Variants in CYP4Z1 observed in about 807,000 individuals in gnomAD.
The protein encoded by CYP4Z1 is cytochrome P450 4Z1.
Under a neutral mutation model 54.2 loss-of-function variants are expected in CYP4Z1, and 41 were observed. That is an observed-to-expected ratio of 0.76 (90% CI 0.59 to 0.98). The LOEUF is 0.98. CYP4Z1 is among the 50% of genes least tolerant of loss of function. The pLI is 0.00. For missense variants in CYP4Z1, 513 were observed against 599.0 expected, an observed-to-expected ratio of 0.86 and a Z score of 1.50; for synonymous variants, 163 against 206.2, an observed-to-expected ratio of 0.79 and a Z score of 1.79.
At chr1:47,087,972 G>A (rs1433666433) in intron 6 of CYP4Z1, among the ~76,000 whole-genome samples, 1 of 152,084 alleles carries the variant, frequency 6.6e-6, no homozygotes, top group Non-Finnish European at 1.5e-5. Flanking sequence ...TTTGTCTTTG[G>A]TTCTCTTTAT....
chr1:47,068,742 A>C lies in CYP4Z1; in HGVS notation c.298A>C (p.Lys100Gln). 6.2e-7 allele frequency: 1 copy of C among 1,614,098 alleles called. No homozygotes were observed. The highest frequency in any genetic ancestry group is 8.5e-7 in the Non-Finnish European group (1 of 1,179,974). Residue 100 changes from lysine (K) to glutamine (Q), a missense_variant, in exon 2 of 12, where the codon AAG becomes CAG. By Grantham distance (53) the Lys-to-Gln change is moderately conservative. Coordinates refer to ENST00000334194, the MANE Select transcript of CYP4Z1 (RefSeq NM_178134.3). ...FFSVHDPDYA[K>Q]ILLKRQDPKS... is the part of the protein sequence containing the mutation. ...CAGTGTCCATGACCCAGACTATGCC[A>C]AGATTCTCCTGAAAAGACAAGGTAA...
chr1:47,117,833 T>C lies in CYP4Z1; in HGVS notation c.1417T>C (p.Phe473Leu). 6.2e-7 allele frequency: 1 copy of C among 1,613,756 alleles called. No homozygotes were observed. ...KVAVALTLLR[F>L]KLAPDHSRPP... is the part of the protein sequence containing the mutation. ...GGCAGTGGCATTAACTCTGCTCCGC[T>C]TCAAGCTGGCTCCAGACCACTCAAG... The change falls in exon 12 of 12, where the codon TTC becomes CTC. Residue 473 changes from phenylalanine (F) to leucine (L), a missense_variant. Physicochemically the swap from Phe to Leu is conservative, Grantham distance 22. Coordinates refer to ENST00000334194, the MANE Select transcript of CYP4Z1 (RefSeq NM_178134.3).
chr1:47,108,305 T>C (rs1183197265), intron 9 of CYP4Z1, among the ~76,000 whole-genome samples: 13 of 152,204 alleles, frequency 8.5e-5, no homozygotes, highest in Non-Finnish European at 1.8e-4. Flanking sequence ...CCTTTGGCAA[T>C]GCCGTCAACT....
chr1:47,108,699 G>C (rs1644773749), intron 9 of CYP4Z1, among the ~76,000 whole-genome samples: 1 of 152,062 alleles, frequency 6.6e-6, no homozygotes, highest in Admixed American at 6.6e-5. Context: ...ATTTGCTCTA[G>C]GCACTTTGCT....
At chr1:47,110,082 G>T (rs6704093) in intron 9 of CYP4Z1, among the ~76,000 whole-genome samples, 37,196 of 114,362 alleles carry the variant, frequency 0.33, 6,602 homozygotes, top group East Asian at 0.93. Flanking sequence ...AGGTGTCAGT[G>T]TGATTCTCTG....
rs59854360 is a variant in CYP4Z1, at chr1:47,076,844, C to CAAAA, written c.320-3764_320-3761dup. Among the ~76,000 whole-genome samples the CAAAA allele has an allele frequency of 2.0e-3, 166 of 81,364 alleles. 6 individuals are homozygous for CAAAA. The highest frequency in any genetic ancestry group is 3.8e-3 in the Admixed American group (28 of 7,392). 53.4% of individuals were successfully genotyped at this position (81,364 alleles called of 152,430 possible). On this transcript the variant is annotated intron_variant, in intron 2 of 11. Coordinates refer to ENST00000334194, the MANE Select transcript of CYP4Z1 (RefSeq NM_178134.3). ...TGGGCGACAGAGCCAGACGCTGTCT[C>CAAAA]AAAAAAAAAAAAAAAAAAGAATGTC...
the CYP4Z1 span, among the ~76,000 whole-genome samples, chr1:47,058,816 T>G: frequency 4.6e-5 from 7 of 152,258 alleles, no homozygotes; most frequent in South Asian, 2.1e-4. Flanking sequence ...AGACTAGCAC[T>G]CTTTACCTCC....
intron 8 of CYP4Z1, among the ~76,000 whole-genome samples, chr1:47,103,600 T>C (rs1316772805): frequency 1.0e-3 from 150 of 148,218 alleles, no homozygotes; most frequent in Middle Eastern, 3.4e-3. Flanking sequence ...TTTTTCTTTT[T>C]TTTTTTTTTT....
intron 7 of CYP4Z1, among the ~76,000 whole-genome samples, chr1:47,097,473 A>G (rs1644686639): frequency 6.6e-6 from 1 of 152,148 alleles, no homozygotes. Context: ...TCTTTAATCC[A>G]TCTTGAGGTG....
chr1:47,099,365 T>C (rs902466499), intron 8 of CYP4Z1, 81 bp downstream of exon 8: 7 of 1,340,978 alleles, frequency 5.2e-6, no homozygotes, highest in South Asian at 1.5e-5. Flanking sequence ...CAGTAAGTTA[T>C]TGTGCATTGA....
At chr1:47,106,708 T>A (rs552976806) in intron 9 of CYP4Z1, among the ~76,000 whole-genome samples, 1 of 152,178 alleles carries the variant, frequency 6.6e-6, no homozygotes, top group East Asian at 1.9e-4. Flanking sequence ...AGAGGGAAAT[T>A]GTGGGACTAT....
chr1:47,108,931 A>G (rs937453941), intron 9 of CYP4Z1, among the ~76,000 whole-genome samples: 8 of 152,066 alleles, frequency 5.3e-5, no homozygotes, highest in Non-Finnish European at 1.2e-4. Flanking sequence ...TTCCTTCTCA[A>G]CAACCTTGCT....
chr1:47,069,287 C>G (rs1490975985), intron 2 of CYP4Z1, among the ~76,000 whole-genome samples: 1 of 152,258 alleles, frequency 6.6e-6, no homozygotes, highest in Non-Finnish European at 1.5e-5. Flanking sequence ...TTGGCCGTGG[C>G]AAGATGTGTG....
chr1:47,089,600 T>C (rs1486679362), intron 6 of CYP4Z1, among the ~76,000 whole-genome samples: 1 of 152,208 alleles, frequency 6.6e-6, no homozygotes, highest in Non-Finnish European at 1.5e-5. Flanking sequence ...GGCCTATAGT[T>C]ATCCCCATTA....
At chr1:47,117,377 A>G (rs1438523532) in intron 11 of CYP4Z1, among the ~76,000 whole-genome samples, 1 of 152,194 alleles carries the variant, frequency 6.6e-6, no homozygotes, top group Non-Finnish European at 1.5e-5. Flanking sequence ...AGGTCTTGAC[A>G]TTAATGGACT....
chr1:47,061,741 T>G, the CYP4Z1 span, among the ~76,000 whole-genome samples: 1 of 152,076 alleles, frequency 6.6e-6, no homozygotes, highest in African/African-American at 2.4e-5. Flanking sequence ...AAAGAAAACT[T>G]CAGACCAATA....
intron 6 of CYP4Z1, among the ~76,000 whole-genome samples, chr1:47,085,377 A>G (rs1215279026): frequency 6.6e-6 from 1 of 152,182 alleles, no homozygotes; most frequent in Non-Finnish European, 1.5e-5. Context: ...CAAACAACAC[A>G]GCACACCACT....
intron 2 of CYP4Z1, among the ~76,000 whole-genome samples, chr1:47,069,703 C>T (rs368771361): frequency 4.0e-5 from 6 of 151,648 alleles, no homozygotes; most frequent in Admixed American, 1.3e-4. Flanking sequence ...GGCTTAGTTT[C>T]TGGCTGTTTT....
upstream of CYP4Z1, among the ~76,000 whole-genome samples, chr1:47,064,080 CT>C (rs34267768): frequency 0.086 from 10,313 of 119,410 alleles, 625 homozygotes; most frequent in African/African-American, 0.22. Context: ...GATTTGGGTC[CT>C]TTTTTTTTTT....
Sources: gnomAD v4.1 joint callset for allele counts (sites outside exome capture counted in the v4.1 genomes callset) on GRCh38, gnomAD v4.1.1 for gene constraint, MANE v1.5 for transcripts, NCBI Gene and HGNC (gene_info 2026-07-23, HGNC 2026-07-21) for gene names.